The following DNASE1 variants were observed in gnomAD, a reference collection of about 807,000 sequenced individuals.
DNASE1 encodes the protein deoxyribonuclease-1.
DNASE1 carries 40 observed loss-of-function variants against 33.9 expected under a neutral mutation model. The observed-to-expected ratio is 1.18, with a 90% CI of 0.92 to 1.54. The LOEUF (loss-of-function observed/expected upper bound fraction) is 1.54, where lower values mean the gene tolerates loss of function less well. Ranked by LOEUF, DNASE1 falls within the 40% of genes most tolerant of loss-of-function variation. The pLI is 0.00. For missense variants in DNASE1, 518 were observed against 372.6 expected (o/e 1.39, Z -3.21); for synonymous variants, 216 against 160.0 (o/e 1.35, Z -2.64).
intron 3 of DNASE1, 50 bp from the exon 4 acceptor site, chr16:3,656,052 G>A: frequency 6.2e-6 from 10 of 1,611,378 alleles, no homozygotes; most frequent in Non-Finnish European, 8.5e-6. Flanking sequence ...GGCAGCCAGA[G>A]GGGTCCCCTA....
downstream of DNASE1, chr16:3,661,938 G>A (rs757319468): frequency 1.9e-6 from 3 of 1,539,628 alleles, no homozygotes; most frequent in Middle Eastern, 1.7e-4. Flanking sequence ...ACCACACACA[G>A]GATTCTGGGG....
At chr16:3,632,464 C>G (rs978589192) in intron 1 of DNASE1, among the ~76,000 whole-genome samples, 1 of 152,108 alleles carries the variant, frequency 6.6e-6, no homozygotes, top group Non-Finnish European at 1.5e-5. Context: ...TTGTAATGTC[C>G]TTTTTCTATC....
chr16:3,631,670 G>A (rs1440926202), intron 1 of DNASE1, among the ~76,000 whole-genome samples: 1 of 151,860 alleles, frequency 6.6e-6, no homozygotes, highest in African/African-American at 2.4e-5. Context: ...TTATAAGCAC[G>A]CACTACCATG....
At chr16:3,664,345 G>A (rs749020703) in exon 10 of DNASE1, 23 of 1,613,038 alleles carry the variant, frequency 1.4e-5, no homozygotes, top group Non-Finnish European at 1.9e-5. Flanking sequence ...GGGGCGCACA[G>A]GTAGTAGATG....
chr16:3,625,592 C>T (rs1025742441), intron 1 of DNASE1, among the ~76,000 whole-genome samples: 2 of 151,992 alleles, frequency 1.3e-5, no homozygotes, highest in Admixed American at 1.3e-4. Flanking sequence ...TTCTGCACTC[C>T]AGCCTGGGCA....
chr16:3,644,692 G>T (rs1368970175), intron 1 of DNASE1, among the ~76,000 whole-genome samples: 8 of 150,354 alleles, frequency 5.3e-5, no homozygotes, highest in Non-Finnish European at 1.2e-4. Flanking sequence ...CTATGAATGT[G>T]CCACTGCACT....
In DNASE1 at chr16:3,620,270, C is replaced by T. The variant is rs537127842; in HGVS notation, c.-1359+8264C>T. On this transcript the variant is annotated intron_variant and NMD_transcript_variant, in intron 1 of 11. Coordinates refer to the DNASE1 transcript ENST00000570769. Reference sequence around the variant, plus strand: ...CATGTCATATTTACCACATTACATTCATTGAGTCACATCATTCATCACATC... The same window carrying T: ...CATGTCATATTTACCACATTACATTTATTGAGTCACATCATTCATCACATC... 1.1e-4 allele frequency among the ~76,000 whole-genome samples: 16 copies of T among 152,264 alleles called. No homozygotes were observed. In the East Asian group the frequency reaches 2.7e-3, roughly 26 times the overall value.
At chr16:3,654,656 C>T, upstream of DNASE1, 1 of 399,050 alleles carries the variant, frequency 2.5e-6, no homozygotes, top group Non-Finnish European at 4.4e-6. Flanking sequence ...TGTTATCAGA[C>T]ATTTTAAAAC....
upstream of DNASE1, among the ~76,000 whole-genome samples, chr16:3,638,006 C>G (rs1447712594): frequency 6.6e-6 from 1 of 152,088 alleles, no homozygotes; most frequent in Non-Finnish European, 1.5e-5. Context: ...AACTTCTAAG[C>G]TCCTGACATG....
chr16:3,615,542 G>A (rs1323895881), intron 1 of DNASE1, among the ~76,000 whole-genome samples: 5 of 152,184 alleles, frequency 3.3e-5, no homozygotes, highest in Non-Finnish European at 7.3e-5. Context: ...ATTTGAGGCG[G>A]AAACCCACTG....
At chr16:3,638,475 C>G (rs2151188140), upstream of DNASE1, among the ~76,000 whole-genome samples, 1 of 152,250 alleles carries the variant, frequency 6.6e-6, no homozygotes, top group Admixed American at 6.5e-5. Context: ...GTAGCTGGGA[C>G]TACAGGCGCC....
At chr16:3,647,857 C>A (rs75998261) in intron 1 of DNASE1, among the ~76,000 whole-genome samples, 2 of 151,920 alleles carry the variant, frequency 1.3e-5, no homozygotes, top group African/African-American at 2.4e-5. Context: ...CAAAAAAGAA[C>A]AATTTTTTTT....
upstream of DNASE1, among the ~76,000 whole-genome samples, chr16:3,650,122 A>G (rs781532070): frequency 9.2e-5 from 14 of 152,032 alleles, no homozygotes; most frequent in Non-Finnish European, 1.8e-4. Flanking sequence ...TAATTCATGG[A>G]TATTTACTAT....
At chr16:3,660,961 G>C (rs1373749776), downstream of DNASE1, 1 of 151,866 alleles carries the variant, frequency 6.6e-6, no homozygotes, top group African/African-American at 2.4e-5. Flanking sequence ...TTGTGGGGGG[G>C]GTGGTAAGTC....
exon 10 of DNASE1, chr16:3,663,601 G>GCC (rs774493428): frequency 1.2e-6 from 2 of 1,610,294 alleles, no homozygotes; most frequent in Admixed American, 1.7e-5. Context: ...GACCCCGGGG[G>GCC]CCTCCAGCCA....
At chr16:3,639,431 C>G (rs189491026), upstream of DNASE1, among the ~76,000 whole-genome samples, 6 of 152,248 alleles carry the variant, frequency 3.9e-5, no homozygotes, top group Non-Finnish European at 8.8e-5. Context: ...CAGCACTCCT[C>G]AAGCAGCCTT....
chr16:3,635,278 T>C (rs2041834439), intron 1 of DNASE1, among the ~76,000 whole-genome samples: 2 of 151,784 alleles, frequency 1.3e-5, no homozygotes, highest in South Asian at 2.1e-4. Context: ...GCCAACATGG[T>C]GAAACCCCAT....
chr16:3,655,607 G>A (rs2042553316), intron 2 of DNASE1, 87 bp downstream of exon 2: 3 of 1,594,576 alleles, frequency 1.9e-6, no homozygotes, highest in East Asian at 2.2e-5. Context: ...GAGCCACAGG[G>A]TGTCGGGTGT....
Position 3,655,912 on chromosome 16 carries a change from G to C in DNASE1, c.211G>C (p.Gly71Arg), listed in dbSNP as rs942594189. 6.2e-7 allele frequency: 1 copy of C among 1,614,020 alleles called. No individual in the cohort carries two copies. The highest frequency in any genetic ancestry group is 8.5e-7 in the Non-Finnish European group (1 of 1,180,008). Residue 71 changes from glycine (G) to arginine (R), a missense_variant, in exon 3 of 9, where the codon GGG (glycine) becomes CGG (arginine). Coordinates refer to ENST00000246949, the MANE Select transcript of DNASE1 (RefSeq NM_005223.4). ...CAGAGACAGCCACCTGACTGCCGTG[G>C]GGAAGCTGCTGGACAACCTCAATCA... ...EVRDSHLTAV[G>R]KLLDNLNQDA...
Sources: gnomAD v4.1 joint callset for allele counts (sites outside exome capture counted in the v4.1 genomes callset) on GRCh38, gnomAD v4.1.1 for gene constraint, MANE v1.5 for transcripts, NCBI Gene and HGNC (gene_info 2026-07-23, HGNC 2026-07-21) for gene names.